The following HTR7 variants were observed in gnomAD, a reference collection of about 807,000 sequenced individuals.
HTR7 encodes 5-hydroxytryptamine receptor 7, also known as 5-HT-7.
Under a neutral mutation model 34.0 loss-of-function variants are expected in HTR7, and 16 were observed. The observed-to-expected ratio is 0.47, with a 90% CI of 0.32 to 0.71. The LOEUF is 0.71. HTR7 is among the 30% of genes least tolerant of loss of function. The pLI, the probability that HTR7 is intolerant of heterozygous loss-of-function variation, is 0.04. For missense variants in HTR7, 504 were observed against 625.5 expected, an observed-to-expected ratio of 0.81 and a Z score of 2.07; for synonymous variants, 265 against 260.2, an observed-to-expected ratio of 1.02 and a Z score of -0.18.
chr10:90,839,562 G>A (rs1377510655), intron 1 of HTR7, among the ~76,000 whole-genome samples: 2 of 152,166 alleles, frequency 1.3e-5, no homozygotes, highest in Non-Finnish European at 2.9e-5. Context: ...CAGAACAGAG[G>A]CCATGATGAA....
At chr10:90,789,884 A>C (rs1261439903) in intron 1 of HTR7, among the ~76,000 whole-genome samples, 1 of 152,156 alleles carries the variant, frequency 6.6e-6, no homozygotes, top group Non-Finnish European at 1.5e-5. Context: ...GTAAAATGGA[A>C]ATAATAATAG....
intron 1 of HTR7, among the ~76,000 whole-genome samples, chr10:90,813,720 C>T (rs1031804342): frequency 4.6e-5 from 7 of 152,104 alleles, no homozygotes; most frequent in Admixed American, 3.9e-4. Flanking sequence ...GAAATGGCTA[C>T]CTGGGGCTAG....
chr10:90,747,007 A>G (rs569005957), intron 2 of HTR7, among the ~76,000 whole-genome samples: 2 of 152,334 alleles, frequency 1.3e-5, no homozygotes, highest in East Asian at 3.9e-4. Flanking sequence ...CTGCCTATAT[A>G]CTGAAGTCAC....
chr10:90,782,862 T>C (rs1845325388), intron 1 of HTR7, among the ~76,000 whole-genome samples: 1 of 152,242 alleles, frequency 6.6e-6, no homozygotes, highest in African/African-American at 2.4e-5. Context: ...CTCATACCAT[T>C]GATTCCATCT....
At chr10:90,824,483 G>A (rs771420780) in intron 1 of HTR7, among the ~76,000 whole-genome samples, 7 of 152,110 alleles carry the variant, frequency 4.6e-5, no homozygotes, top group Non-Finnish European at 7.3e-5. Context: ...TTCCTTCTTG[G>A]GAAAAGCAGA....
chr10:90,752,787 C>T (rs1487385652), intron 1 of HTR7, among the ~76,000 whole-genome samples: 4 of 152,042 alleles, frequency 2.6e-5, no homozygotes, highest in Non-Finnish European at 5.9e-5. Flanking sequence ...TCACAACTGG[C>T]CAGCAATTGA....
rs560473395 is a variant in HTR7, at chr10:90,827,222, AAT to A, written c.539+29909_539+29910del. On this transcript the variant is annotated intron_variant, in intron 1 of 3. Coordinates refer to ENST00000336152, the MANE Select transcript of HTR7 (RefSeq NM_019859.4). Reference sequence around the variant, plus strand: ...TCCTTACTTATTAATAACAACAATGAATGTAAATGGACTAAACTCTCCAATGA... The same window carrying A: ...TCCTTACTTATTAATAACAACAATGAGTAAATGGACTAAACTCTCCAATGA... Among the ~76,000 whole-genome samples, 181 of 152,230 alleles carry A rather than the reference AAT, an allele frequency of 1.2e-3. 1 individual carries two copies. The highest frequency in any genetic ancestry group is 4.2e-3 in the African/African-American group (173 of 41,552).
At position 90,781,063 on chromosome 10, in the gene HTR7, A is replaced by C. The variant is rs557730952; in HGVS notation, c.540-31469T>G. On this transcript the variant is annotated intron_variant, in intron 1 of 3. Transcript: ENST00000336152. ...TATGACCACAGCAAAATTTCAAATA[A>C]TGCAAAATAGTATGAATTGAAAAGT... Among the ~76,000 whole-genome samples the C allele has an allele frequency of 2.0e-4, 30 of 152,326 alleles. No homozygotes were observed. The South Asian group carries it at 2.1e-3, about 11-fold the overall frequency.
intron 1 of HTR7, among the ~76,000 whole-genome samples, chr10:90,806,843 G>A (rs1845714613): frequency 6.6e-6 from 1 of 151,956 alleles, no homozygotes; most frequent in South Asian, 2.1e-4. Context: ...ACCAAGTTCT[G>A]ATGAGGGACT....
In HTR7 at chr10:90,749,032, T is replaced by C; in HGVS notation, c.1102A>G (p.Thr368Ala). 6.2e-7 allele frequency: 1 copy of C among 1,614,018 alleles called. No individual in the cohort carries two copies. The highest frequency in any genetic ancestry group is 1.1e-5 in the South Asian group (1 of 91,070). Reference sequence around the variant, plus strand: ...TTTGCATAGCCTAGCCACAGAAATGTCCTCTCCACCCACAGTGGGATGCAG... The same window carrying C: ...TTTGCATAGCCTAGCCACAGAAATGCCCTCTCCACCCACAGTGGGATGCAG... ...CSCIPLWVERTFLWLGYANSL... is the reference protein window; with the variant it reads ...CSCIPLWVERAFLWLGYANSL... The change falls in exon 2 of 4, where the codon ACA (threonine) becomes GCA (alanine). Residue 368 changes from threonine (T) to alanine (A), a missense_variant. By Grantham distance (58) the Thr-to-Ala change is moderately conservative (BLOSUM62 0). This residue lies in a region of HTR7 where 154 missense variants were observed against 212.1 expected (regional missense o/e 0.73). Transcript: ENST00000336152. The surrounding 1 kb of genome is among the most constrained non-coding windows in gnomAD (Gnocchi z 4.2).
chr10:90,811,875 C>G (rs370834058), intron 1 of HTR7, among the ~76,000 whole-genome samples: 2 of 150,794 alleles, frequency 1.3e-5, no homozygotes, highest in South Asian at 2.1e-4. Flanking sequence ...AGACATAATT[C>G]CTTAGTTTAG....
chr10:90,789,775 G>C (rs942149962), intron 1 of HTR7, among the ~76,000 whole-genome samples: 17 of 152,124 alleles, frequency 1.1e-4, no homozygotes, highest in Non-Finnish European at 2.1e-4. Context: ...GATTTGGGGA[G>C]GTCCAGAGCG....
At chr10:90,836,075 C>T (rs892134355) in intron 1 of HTR7, among the ~76,000 whole-genome samples, 1 of 152,162 alleles carries the variant, frequency 6.6e-6, no homozygotes, top group African/African-American at 2.4e-5. Context: ...TCCCGACCGA[C>T]CTACTGATCC....
chr10:90,771,637 A>T (rs4933606), intron 1 of HTR7, among the ~76,000 whole-genome samples: 1 of 152,114 alleles, frequency 6.6e-6, no homozygotes, highest in African/African-American at 2.4e-5. Flanking sequence ...CAGCACCTGG[A>T]GCTGCCTGCC....
At chr10:90,782,172 A>G (rs1449040548) in intron 1 of HTR7, among the ~76,000 whole-genome samples, 1 of 152,180 alleles carries the variant, frequency 6.6e-6, no homozygotes, top group Non-Finnish European at 1.5e-5. Context: ...ACTGCACTCA[A>G]TGCCCCAGAC....
At chr10:90,827,743 C>A (rs6583735) in intron 1 of HTR7, among the ~76,000 whole-genome samples, 94,038 of 152,052 alleles carry the variant, frequency 0.62, 30,834 homozygotes, top group African/African-American at 0.86. Flanking sequence ...AAAATGTTAG[C>A]GCTAAACAGA....
chr10:90,843,428 T>C (rs1485923806), intron 1 of HTR7, among the ~76,000 whole-genome samples: 2 of 152,206 alleles, frequency 1.3e-5, no homozygotes, highest in African/African-American at 4.8e-5. Context: ...AAAAGACTGT[T>C]TAAGATAGTC....
chr10:90,815,950 T>G (rs1845892746), intron 1 of HTR7, among the ~76,000 whole-genome samples: 1 of 152,196 alleles, frequency 6.6e-6, no homozygotes, highest in African/African-American at 2.4e-5. Flanking sequence ...TTTACTGCCT[T>G]GCTAAGGGAC....
intron 1 of HTR7, among the ~76,000 whole-genome samples, chr10:90,765,522 T>A (rs1459510986): frequency 1.4e-5 from 2 of 140,522 alleles, no homozygotes; most frequent in African/African-American, 2.8e-5. Context: ...CTAGTCTATT[T>A]CATTTTTTTT....
Sources: allele counts gnomAD v4.1 joint callset (sites outside exome capture counted in the v4.1 genomes callset), GRCh38; gene constraint gnomAD v4.1.1; regional missense constraint gnomAD v4.1.1; non-coding constraint Gnocchi (gnomAD v3.1); transcripts MANE v1.5; gene names NCBI Gene and HGNC (gene_info 2026-07-23, HGNC 2026-07-21).